XDH: variants seen among roughly 807,000 people sequenced by gnomAD.
XDH encodes the protein xanthine dehydrogenase.
XDH carries 138 observed loss-of-function variants against 156.1 expected under a neutral mutation model. That is an observed-to-expected ratio of 0.88 (90% confidence interval 0.77 to 1.02). The LOEUF (loss-of-function observed/expected upper bound fraction) is 1.02. Among genes scored for constraint, XDH ranks in the 50% least tolerant of loss-of-function variants. XDH has a pLI of 0.00. For missense variants in XDH, 1,849 were observed against 1,684.9 expected (o/e 1.10, Z -1.71); for synonymous variants, 669 against 625.7 (o/e 1.07, Z -1.03).
In XDH at chr2:31,366,108, C is replaced by A; in HGVS notation, c.2324G>T (p.Ser775Ile). The change falls in exon 22 of 36, where the codon AGC becomes ATC. Residue 775 changes from serine (S) to isoleucine (I), a missense_variant and splice_region_variant. Physicochemically the swap from Ser to Ile is moderately radical, Grantham distance 142 (BLOSUM62 -2). Transcript: ENST00000379416. Reference protein sequence around the residue: ...VSTQNTMKTQSFVAKMLGVPA... With the variant: ...VSTQNTMKTQIFVAKMLGVPA... ...AACCCCCAACATTTTTGCAACAAAG[C>A]TCTGTGAGTGAAAGACAGAACATTC... The A allele has an allele frequency of 6.2e-7, 1 of 1,614,238 alleles. No homozygotes were observed. Among genetic ancestry groups the A allele is most frequent in the East Asian group, 2.2e-5 (1 of 44,884 alleles).
At chr2:31,354,954 T>A (rs1171230913) in intron 24 of XDH, among the ~76,000 whole-genome samples, 1 of 152,176 alleles carries the variant, frequency 6.6e-6, no homozygotes, top group African/African-American at 2.4e-5. Context: ...TAAAACAGGA[T>A]AAGCCTGAAG....
rs1029537172 is a variant in XDH at position 31,366,118 on chromosome 2, G to C, written c.2323-9C>G. The C allele has an allele frequency of 6.2e-7, 1 of 1,614,218 alleles. No homozygotes were observed. The highest frequency in any genetic ancestry group is 1.1e-5 in the South Asian group (1 of 91,082). On this transcript the variant is annotated splice_polypyrimidine_tract_variant and intron_variant, in intron 21 of 35. Transcript: ENST00000379416. ...ATTTTTGCAACAAAGCTCTGTGAGT[G>C]AAAGACAGAACATTCGCACTGAATG...
chr2:31,408,059 ACCAC>A (rs1687239882), intron 1 of XDH, among the ~76,000 whole-genome samples: 1 of 152,036 alleles, frequency 6.6e-6, no homozygotes, highest in African/African-American at 2.4e-5. Flanking sequence ...GCTTTTCATG[ACCAC>A]CCACATATTC....
At chr2:31,405,643 A>G (rs1687172348) in intron 2 of XDH, among the ~76,000 whole-genome samples, 1 of 152,196 alleles carries the variant, frequency 6.6e-6, no homozygotes, top group South Asian at 2.1e-4. Context: ...GGACCTTTCT[A>G]CAGGCCCTGG....
Position 31,383,687 on chromosome 2 carries a change from C to T in XDH, c.886+68G>A. ...AGTGGGGAGACCACCCTGATACCTGCCACCCACCTTGTAACCTATCCCCAG... is the reference window on the plus strand; with the variant it reads ...AGTGGGGAGACCACCCTGATACCTGTCACCCACCTTGTAACCTATCCCCAG... On this transcript the variant is annotated intron_variant, in intron 10 of 35. Coordinates refer to ENST00000379416, the MANE Select transcript of XDH (RefSeq NM_000379.4). 2.0e-6 allele frequency: 3 copies of T among 1,478,160 alleles called. No individual in the cohort carries two copies. In the South Asian group the frequency reaches 3.6e-5, roughly 18 times the overall value. 91.6% of individuals were successfully genotyped at this position (1,478,160 alleles called of 1,614,324 possible). A position where few individuals can be genotyped will look rare whatever the true frequency, so the allele number is the denominator to read the frequency against.
chr2:31,343,310 A>ATATATATATATATGTATGTT (rs35743236), intron 31 of XDH, among the ~76,000 whole-genome samples: 1 of 102,230 alleles, frequency 9.8e-6, no homozygotes, highest in Non-Finnish European at 1.9e-5. Flanking sequence ...ATATATATAT[A>ATATATATATATATGTATGTT]TATATATATA....
In XDH at chr2:31,365,503, T is replaced by G. The variant is rs1474741473; in HGVS notation, c.2498A>C (p.Asp833Ala). ...PVRCMLDRDE[D>A]MLITGGRHPF... ...ATGTCTGCCACCAGTTATCAGCATG[T>G]CCTCATCACGGTCCAGCATGCATCG... Residue 833 changes from aspartate to alanine, a missense_variant, in exon 23 of 36, where the codon GAC becomes GCC. By Grantham distance (126) the Asp-to-Ala change is moderately radical. Transcript: ENST00000379416. 6.2e-7 allele frequency: 1 copy of G among 1,614,150 alleles called. No individual in the cohort carries two copies. The highest frequency in any genetic ancestry group is 8.5e-7 in the Non-Finnish European group (1 of 1,180,028).
intron 12 of XDH, among the ~76,000 whole-genome samples, chr2:31,380,949 T>A (rs1191532353): frequency 6.6e-6 from 1 of 152,218 alleles, no homozygotes. Flanking sequence ...TATTTATTCC[T>A]TTTGTTTTGA....
intron 30 of XDH, 103 bp from the exon 31 acceptor site, chr2:31,344,839 C>T (rs1685237648): frequency 4.2e-6 from 5 of 1,200,706 alleles, no homozygotes; most frequent in Non-Finnish European, 6.1e-6. Context: ...AGCCAATCAA[C>T]TCATTTTACT....
intron 15 of XDH, among the ~76,000 whole-genome samples, chr2:31,374,506 G>T (rs996326675): frequency 6.6e-6 from 1 of 152,134 alleles, no homozygotes; most frequent in African/African-American, 2.4e-5. Context: ...CAGACAAACA[G>T]TATGACAGAT....
Position 31,365,987 on chromosome 2 carries a change from C to G in XDH, c.2445G>C (p.Leu815=). The G allele has an allele frequency of 3.7e-6, 6 of 1,614,178 alleles. No homozygotes were observed. Among genetic ancestry groups the G allele is most frequent in the Non-Finnish European group, 5.1e-6 (6 of 1,180,032 alleles). ...GCTTTGGAACTCACTTATATGCAGC[C>G]AGGGCCACTGCCGTGGACACCACAG... The part of the protein sequence containing the change: ...RSTVVSTAVA[L]AAYKTGRPVR... The change falls in exon 22 of 36, where the codon CTG becomes CTC. Residue 815 remains leucine (L), a synonymous_variant. Transcript: ENST00000379416.
chr2:31,341,292 C>T, intron 33 of XDH, 37 bp downstream of exon 33: 1 of 1,550,200 alleles, frequency 6.5e-7, no homozygotes, highest in Non-Finnish European at 8.7e-7. Context: ...GCATCGGTGG[C>T]CAAGTCTGTC....
At position 31,403,974 on chromosome 2, in the gene XDH, A is replaced by G. The variant is rs185795955; in HGVS notation, c.101-830T>C. 7.9e-5 allele frequency among the ~76,000 whole-genome samples: 12 copies of G among 152,282 alleles called. No individual in the cohort carries two copies. In the East Asian group the frequency reaches 1.9e-3, roughly 25 times the overall value. On this transcript the variant is annotated intron_variant, in intron 2 of 35. Coordinates refer to ENST00000379416, the MANE Select transcript of XDH (RefSeq NM_000379.4). ...CTCTCATTTTCAAGACAAAATTTAA[A>G]AACAATGATATAACATCTTATTTTT... is the stretch of plus-strand genomic sequence containing the variant.
intron 23 of XDH, among the ~76,000 whole-genome samples, 191 bp downstream of exon 23, chr2:31,365,266 G>A (rs565487936): frequency 1.3e-5 from 2 of 152,318 alleles, no homozygotes; most frequent in East Asian, 1.9e-4. Context: ...GAGATGGGGT[G>A]CCAGCCTCCC....
chr2:31,366,694 C>A (rs1685922984), intron 21 of XDH, among the ~76,000 whole-genome samples, 176 bp downstream of exon 21: 1 of 152,204 alleles, frequency 6.6e-6, no homozygotes, highest in Admixed American at 6.5e-5. Flanking sequence ...GGTTATGGAA[C>A]AAGGTCAGTG....
Position 31,335,346 on chromosome 2 carries a change from T to C in XDH, c.*612A>G, listed in dbSNP as rs1484737643. The C allele has an allele frequency of 1.3e-5, 2 of 158,522 alleles. No individual in the cohort carries two copies. The highest frequency in any genetic ancestry group is 2.4e-5 in the African/African-American group (1 of 41,620). The allele number at this position is 158,522 out of a possible 1,614,324, so 9.8% of individuals were successfully genotyped here. The stretch of plus-strand genomic sequence containing the variant: ...TAATTGAGTTGGTTGGATTTTTGTA[T>C]TATAGAGTAATCTTGCTTTATGCAG... On this transcript the variant is annotated 3_prime_UTR_variant, in exon 36 of 36. Transcript: ENST00000379416.
At chr2:31,360,487 T>G (rs1220596294) in intron 24 of XDH, among the ~76,000 whole-genome samples, 1 of 151,962 alleles carries the variant, frequency 6.6e-6, no homozygotes, top group Non-Finnish European at 1.5e-5. Context: ...GGTGACAGAG[T>G]GAGACTCCAT....
At chr2:31,340,821 T>A (rs1685106345) in intron 33 of XDH, among the ~76,000 whole-genome samples, 1 of 152,170 alleles carries the variant, frequency 6.6e-6, no homozygotes, top group South Asian at 2.1e-4. Flanking sequence ...AGCGATTTTC[T>A]CTGGGACCTC....
intron 3 of XDH, among the ~76,000 whole-genome samples, chr2:31,402,162 TA>T (rs879419796): frequency 1.3e-5 from 2 of 151,894 alleles, no homozygotes; most frequent in African/African-American, 4.8e-5. Context: ...ATCTTTATAT[TA>T]AAAAAAAGCC....
Sources: gnomAD v4.1 joint callset for allele counts (sites outside exome capture counted in the v4.1 genomes callset) on GRCh38, gnomAD v4.1.1 for gene constraint, MANE v1.5 for transcripts, NCBI Gene and HGNC (gene_info 2026-07-23, HGNC 2026-07-21) for gene names.